CASTOR2: variants seen among roughly 807,000 people sequenced by gnomAD.
The protein encoded by CASTOR2 is cytosolic arginine sensor for mTORC1 subunit 2.
A neutral mutation model predicts 31.2 loss-of-function variants in CASTOR2; 8 were observed. The ratio of observed to expected loss-of-function variants is 0.26; its 90% confidence interval spans 0.15 to 0.46. The LOEUF (loss-of-function observed/expected upper bound fraction) is 0.46, where lower values mean the gene tolerates loss of function less well. CASTOR2 is among the 20% of genes least tolerant of loss of function. CASTOR2 has a pLI of 0.99. For synonymous variants in CASTOR2, 162 were observed against 158.7 expected, an observed-to-expected ratio of 1.02 and a Z score of -0.16; for missense variants, 216 against 382.1, an observed-to-expected ratio of 0.57 and a Z score of 3.62.
chr7:75,022,034 A>C, intron 7 of CASTOR2, 78 bp downstream of exon 7: 1 of 1,509,082 alleles, frequency 6.6e-7, no homozygotes, highest in Non-Finnish European at 9.0e-7. Flanking sequence ...GTCCGCAGTG[A>C]CTCGGCCCCT....
intron 1 of CASTOR2, among the ~76,000 whole-genome samples, chr7:74,983,731 A>G (rs1350834871): frequency 6.7e-6 from 1 of 150,328 alleles, no homozygotes; most frequent in East Asian, 2.0e-4. Flanking sequence ...CACCTTATCA[A>G]GCGCTCTCTC....
chr7:74,999,828 T>C (rs1472384346), intron 1 of CASTOR2, among the ~76,000 whole-genome samples: 1 of 151,994 alleles, frequency 6.6e-6, no homozygotes, highest in African/African-American at 2.4e-5. Context: ...TTGTCCCGGA[T>C]GGTCTTGATC....
At position 75,028,423 on chromosome 7, in the gene CASTOR2, A is replaced by G. The variant is rs976680944; in HGVS notation, c.*3724A>G. On this transcript the variant is annotated 3_prime_UTR_variant, in exon 9 of 9. Coordinates refer to ENST00000616305, the MANE Select transcript of CASTOR2 (RefSeq NM_001145064.3). ...GGCATGAGCCACCGTGCCCGGCCTC[A>G]TGGAATTTCTAGGGGTGAGCAGGTG... Among the ~76,000 whole-genome samples the G allele has an allele frequency of 4.9e-4, 74 of 152,080 alleles. No homozygotes were observed. The highest frequency in any genetic ancestry group is 8.5e-4 in the Non-Finnish European group (58 of 67,966).
chr7:75,017,447 CAAAA>C, intron 2 of CASTOR2, 147 bp from the exon 3 acceptor site: 2 of 820,468 alleles, frequency 2.4e-6, no homozygotes, highest in Non-Finnish European at 3.7e-6. Context: ...AAGACTGTCT[CAAAA>C]AAAAAAAATC....
At chr7:75,004,737 G>A (rs1348521139) in intron 1 of CASTOR2, among the ~76,000 whole-genome samples, 2 of 151,946 alleles carry the variant, frequency 1.3e-5, no homozygotes, top group South Asian at 4.2e-4. Flanking sequence ...ATGAGCCACC[G>A]CAGCAGGCCA....
intron 1 of CASTOR2, among the ~76,000 whole-genome samples, chr7:74,983,959 T>C (rs1208293813): frequency 6.6e-6 from 1 of 151,134 alleles, no homozygotes; most frequent in African/African-American, 2.4e-5. Context: ...TTTTACAATA[T>C]TTTGTAGAGA....
chr7:74,968,180 TC>T (rs1803608938), intron 1 of CASTOR2, among the ~76,000 whole-genome samples: 1 of 139,072 alleles, frequency 7.2e-6, no homozygotes, highest in Non-Finnish European at 1.6e-5. Flanking sequence ...CTACCTCTCT[TC>T]CATTTGCCTG....
At chr7:74,982,454 C>T (rs1327469976) in intron 1 of CASTOR2, among the ~76,000 whole-genome samples, 1 of 151,412 alleles carries the variant, frequency 6.6e-6, no homozygotes, top group Non-Finnish European at 1.5e-5. Flanking sequence ...GACTCCTTTG[C>T]ACACACCCAG....
At chr7:74,989,603 A>C (rs1429568875) in intron 1 of CASTOR2, among the ~76,000 whole-genome samples, 1 of 142,278 alleles carries the variant, frequency 7.0e-6, no homozygotes. Flanking sequence ...TTCTGTAGAG[A>C]TGGGATCTCA....
At chr7:74,984,147 A>G (rs1394687964) in intron 1 of CASTOR2, among the ~76,000 whole-genome samples, 1 of 148,904 alleles carries the variant, frequency 6.7e-6, no homozygotes, top group African/African-American at 2.5e-5. Context: ...AAGGAATAGA[A>G]TACCAGGGTC....
chr7:75,014,419 C>CAAAAA lies in CASTOR2; in HGVS notation c.185-3162_185-3158dup, dbSNP rs1193842037. 2.7e-3 allele frequency among the ~76,000 whole-genome samples: 154 copies of CAAAAA among 57,536 alleles called. 6 individuals carry two copies. The highest frequency in any genetic ancestry group is 7.8e-3 in the African/African-American group (142 of 18,160). The allele number at this position is 57,536 out of a possible 152,430, so 37.7% of individuals were successfully genotyped here. A position where few individuals can be genotyped will look rare whatever the true frequency, so the allele number is the denominator to read the frequency against. ...TGAAACCCCTTCTCTACTAAAAATACAAAAAAAAAAAAAAAAAAAAAGTAG... is the reference window on the plus strand; with the variant it reads ...TGAAACCCCTTCTCTACTAAAAATACAAAAAAAAAAAAAAAAAAAAAAAAAAGTAG... On this transcript the variant is annotated intron_variant, in intron 2 of 8. Transcript: ENST00000616305.
chr7:75,002,029 G>A (rs1804508220), intron 1 of CASTOR2, among the ~76,000 whole-genome samples: 1 of 152,130 alleles, frequency 6.6e-6, no homozygotes, highest in Admixed American at 6.5e-5. Flanking sequence ...CCTCTATGAT[G>A]GGAGATGAGG....
chr7:74,978,166 C>T lies in CASTOR2; in HGVS notation c.113+13068C>T, dbSNP rs1554435968. ...TCACCCAGGCTGGAGTGCAATGGTG[C>T]GATCTTGGCTCATTGCAACTTCCAT... On this transcript the variant is annotated intron_variant, in intron 1 of 8. Coordinates refer to ENST00000616305, the MANE Select transcript of CASTOR2 (RefSeq NM_001145064.3). Among the ~76,000 whole-genome samples, 4 of 147,478 alleles carry T rather than the reference C, an allele frequency of 2.7e-5. 1 individual carries two copies. The highest frequency in any genetic ancestry group is 5.0e-5 in the African/African-American group (2 of 39,876).
chr7:74,973,163 T>C (rs1221501728), intron 1 of CASTOR2, among the ~76,000 whole-genome samples: 1 of 150,370 alleles, frequency 6.7e-6, no homozygotes, highest in Non-Finnish European at 1.5e-5. Flanking sequence ...GCACTGCTCA[T>C]CCTGGCTGTG....
chr7:75,009,172 C>T (rs1310685484), intron 2 of CASTOR2, among the ~76,000 whole-genome samples: 3 of 145,610 alleles, frequency 2.1e-5, no homozygotes, highest in East Asian at 2.1e-4. Flanking sequence ...TGGCCAGGAT[C>T]GTCTTGATCT....
rs1325053383 is a variant in CASTOR2 at position 75,030,087 on chromosome 7, G to C, written c.*5388G>C. 1.3e-5 allele frequency among the ~76,000 whole-genome samples: 2 copies of C among 152,270 alleles called. No homozygotes were observed. Among genetic ancestry groups the C allele is most frequent in the African/African-American group, 4.8e-5 (2 of 41,476 alleles). On this transcript the variant is annotated 3_prime_UTR_variant, in exon 9 of 9. Coordinates refer to ENST00000616305, the MANE Select transcript of CASTOR2 (RefSeq NM_001145064.3). Reference sequence around the variant, plus strand: ...CCTGAGGCCTGAGCCATGGCATCCAGGGACAGCCTGGTGGCCGAGAGAGCT... The same window carrying C: ...CCTGAGGCCTGAGCCATGGCATCCACGGACAGCCTGGTGGCCGAGAGAGCT...
Position 75,027,880 on chromosome 7 carries a change from G to T in CASTOR2, c.*3181G>T. 2.3e-6 allele frequency: 2 copies of T among 880,168 alleles called. No individual in the cohort carries two copies. The highest frequency in any genetic ancestry group is 3.6e-6 in the Non-Finnish European group (2 of 553,072). The allele number at this position is 880,168 out of a possible 1,614,324, so 54.5% of individuals were successfully genotyped here. A position where few individuals can be genotyped will look rare whatever the true frequency, so the allele number is the denominator to read the frequency against. ...GGTTTTTCCCAGGCAGGGGCCGTCT[G>T]CCCTTGTCCCCCAGCTATCTCCTGG... is the stretch of plus-strand genomic sequence containing the variant. On this transcript the variant is annotated 3_prime_UTR_variant, in exon 9 of 9. Coordinates refer to ENST00000616305, the MANE Select transcript of CASTOR2 (RefSeq NM_001145064.3).
Position 75,025,267 on chromosome 7 carries a change from G to C in CASTOR2, c.*568G>C, listed in dbSNP as rs1805095780. 1.3e-5 allele frequency among the ~76,000 whole-genome samples: 2 copies of C among 152,204 alleles called. No individual in the cohort carries two copies. Among genetic ancestry groups the C allele is most frequent in the South Asian group, 4.1e-4 (2 of 4,836 alleles). On this transcript the variant is annotated 3_prime_UTR_variant, in exon 9 of 9. Transcript: ENST00000616305. ...TGGTGAGGCTCAGACAGGAACCCAG[G>C]TGGGATCCCCGAGCTGGGAAGGACC...
chr7:75,010,225 C>T (rs1384090119), intron 2 of CASTOR2, among the ~76,000 whole-genome samples: 2 of 152,066 alleles, frequency 1.3e-5, no homozygotes, highest in African/African-American at 4.8e-5. Context: ...GATATTTTTG[C>T]TGGCCTTGTG....
Sources: allele counts gnomAD v4.1 joint callset (sites outside exome capture counted in the v4.1 genomes callset), GRCh38; gene constraint gnomAD v4.1.1; transcripts MANE v1.5; gene names NCBI Gene and HGNC (gene_info 2026-07-23, HGNC 2026-07-21).